The following IGSF11 variants were observed in gnomAD, a reference collection of about 807,000 sequenced individuals.
IGSF11 encodes the protein immunoglobulin superfamily member 11, also known as CXADR like 1.
In IGSF11, 22 loss-of-function variants were observed where a neutral mutation model predicts 41.0. The ratio of observed to expected loss-of-function variants is 0.54; its 90% CI spans 0.38 to 0.77. The LOEUF (loss-of-function observed/expected upper bound fraction) is 0.77. Ranked by LOEUF, IGSF11 falls within the 30% of genes least tolerant of loss-of-function variation. IGSF11 has a pLI of 0.00. For missense variants in IGSF11, 444 were observed against 530.8 expected (o/e 0.84, Z 1.61); for synonymous variants, 219 against 201.3 (o/e 1.09, Z -0.74).
chr3:119,109,374 C>T (rs373447799), upstream of IGSF11, among the ~76,000 whole-genome samples: 17 of 152,060 alleles, frequency 1.1e-4, no homozygotes, highest in East Asian at 1.9e-4. Context: ...AGTTTATTTG[C>T]GTAGAGGTGT....
At chr3:118,909,945 T>C (rs1251384968) in intron 4 of IGSF11, among the ~76,000 whole-genome samples, 4 of 152,234 alleles carry the variant, frequency 2.6e-5, no homozygotes, top group Non-Finnish European at 5.9e-5. Context: ...ATTTGAATAA[T>C]GTAGTGTGTA....
At chr3:118,994,909 C>T (rs1172604910) in intron 1 of IGSF11, among the ~76,000 whole-genome samples, 1 of 151,834 alleles carries the variant, frequency 6.6e-6, no homozygotes, top group Non-Finnish European at 1.5e-5. Flanking sequence ...AGGAATGGTA[C>T]AGGGAAGAAC....
chr3:118,913,868 A>G (rs1036312574), intron 4 of IGSF11, among the ~76,000 whole-genome samples: 6 of 152,256 alleles, frequency 3.9e-5, no homozygotes, highest in Admixed American at 3.9e-4. Context: ...TAAAATGCAG[A>G]CAATACAAAC....
At chr3:118,959,113 T>C (rs1395066391) in intron 1 of IGSF11, among the ~76,000 whole-genome samples, 1 of 152,186 alleles carries the variant, frequency 6.6e-6, no homozygotes, top group Non-Finnish European at 1.5e-5. Context: ...AAAGCTGCAC[T>C]TTAGAGGTGC....
chr3:119,112,194 G>A (rs2077177375), intron 1 of IGSF11, among the ~76,000 whole-genome samples: 4 of 152,234 alleles, frequency 2.6e-5, no homozygotes, highest in Admixed American at 2.6e-4. Flanking sequence ...CCTGCCCCCA[G>A]AGGTGGAGCC....
chr3:118,907,808 A>G (rs528445445), intron 4 of IGSF11, among the ~76,000 whole-genome samples: 1 of 152,324 alleles, frequency 6.6e-6, no homozygotes, highest in South Asian at 2.1e-4. Flanking sequence ...CAAAGCTTAT[A>G]CTCACCATAC....
At chr3:118,949,543 A>G (rs1202123913) in intron 1 of IGSF11, among the ~76,000 whole-genome samples, 2 of 152,192 alleles carry the variant, frequency 1.3e-5, no homozygotes, top group Non-Finnish European at 2.9e-5. Context: ...ACAATGAAGC[A>G]TGCATAGCTG....
chr3:119,083,597 C>T (rs2076622438), intron 1 of IGSF11, among the ~76,000 whole-genome samples: 1 of 151,858 alleles, frequency 6.6e-6, no homozygotes, highest in African/African-American at 2.4e-5. Context: ...TAACAGACCT[C>T]ATATATGATA....
chr3:118,912,965 A>G (rs577994882), intron 4 of IGSF11, among the ~76,000 whole-genome samples: 1 of 152,300 alleles, frequency 6.6e-6, no homozygotes, highest in South Asian at 2.1e-4. Context: ...GTGCCACTGC[A>G]CTGCAGCCTG....
intron 1 of IGSF11, among the ~76,000 whole-genome samples, chr3:119,137,345 T>C (rs1318135981): frequency 1.3e-5 from 2 of 152,074 alleles, no homozygotes; most frequent in Admixed American, 6.6e-5. Flanking sequence ...ATAATCAAGA[T>C]GGCATGATAC....
chr3:118,997,184 G>A (rs1235650432), intron 1 of IGSF11, among the ~76,000 whole-genome samples: 1 of 152,018 alleles, frequency 6.6e-6, no homozygotes, highest in Non-Finnish European at 1.5e-5. Context: ...CACTATTTCA[G>A]GGCTAAACAG....
intron 1 of IGSF11, among the ~76,000 whole-genome samples, chr3:119,052,305 C>T (rs902983951): frequency 6.6e-6 from 1 of 151,992 alleles, no homozygotes; most frequent in African/African-American, 2.4e-5. Flanking sequence ...CATGGTGAAA[C>T]TCTGTCTCTA....
At chr3:118,948,264 G>A (rs539420996) in intron 1 of IGSF11, 2 of 152,306 alleles carry the variant, frequency 1.3e-5, no homozygotes, top group South Asian at 4.1e-4. Flanking sequence ...GTTGCGCTCA[G>A]AAATTACTAT....
chr3:118,978,760 T>C (rs1324384090), intron 1 of IGSF11, among the ~76,000 whole-genome samples: 1 of 152,136 alleles, frequency 6.6e-6, no homozygotes, highest in East Asian at 1.9e-4. Context: ...ACCGACACCA[T>C]ATATTCATCT....
chr3:119,119,459 C>T (rs1403959148), intron 1 of IGSF11, among the ~76,000 whole-genome samples: 1 of 152,118 alleles, frequency 6.6e-6, no homozygotes, highest in African/African-American at 2.4e-5. Context: ...TCAATTACCT[C>T]CTACCAGGTC....
chr3:118,992,804 A>C (rs1186872504), intron 1 of IGSF11, among the ~76,000 whole-genome samples: 1 of 152,248 alleles, frequency 6.6e-6, no homozygotes, highest in Non-Finnish European at 1.5e-5. Flanking sequence ...TTGAGGTTCA[A>C]CTTTATGAAA....
chr3:118,999,658 A>C (rs953846720), intron 1 of IGSF11, among the ~76,000 whole-genome samples: 1 of 152,216 alleles, frequency 6.6e-6, no homozygotes, highest in African/African-American at 2.4e-5. Context: ...GTTAAATGAA[A>C]AGTCAAAATG....
intron 6 of IGSF11, among the ~76,000 whole-genome samples, chr3:118,903,362 A>T (rs58464946): frequency 0.26 from 39,314 of 151,818 alleles, 6,986 homozygotes; most frequent in African/African-American, 0.5. Flanking sequence ...TTATATATAT[A>T]GTATTCATAT....
intron 1 of IGSF11, among the ~76,000 whole-genome samples, chr3:118,989,252 A>G (rs1175192846): frequency 6.6e-6 from 1 of 152,230 alleles, no homozygotes; most frequent in Non-Finnish European, 1.5e-5. Context: ...GCTACCCAAA[A>G]TGTGGCCCTG....
Sources: allele counts gnomAD v4.1 joint callset (sites outside exome capture counted in the v4.1 genomes callset), GRCh38; gene constraint gnomAD v4.1.1; transcripts MANE v1.5; gene names NCBI Gene and HGNC (gene_info 2026-07-23, HGNC 2026-07-21).